Variants in PHEX observed in about 807,000 individuals in gnomAD.
PHEX encodes the protein phosphate regulating endopeptidase X-linked.
In PHEX, 16 loss-of-function variants were observed where a neutral mutation model predicts 68.0. That is an observed-to-expected ratio of 0.24 (90% CI 0.16 to 0.36). The LOEUF (loss-of-function observed/expected upper bound fraction) is 0.36, where lower values mean the gene tolerates loss of function less well. Among genes scored for constraint, PHEX ranks in the 10% least tolerant of loss-of-function variants. PHEX has a pLI of 1.00. For synonymous variants in PHEX, 208 were observed against 205.1 expected (o/e 1.01, Z -0.12); for missense variants, 480 against 575.5 (o/e 0.83, Z 1.70).
At chrX:22,117,878 A>G (rs1322937090) in intron 11 of PHEX, among the ~76,000 whole-genome samples, 1 of 110,398 alleles carries the variant, frequency 9.1e-6, no homozygotes, top group Non-Finnish European at 1.9e-5. Flanking sequence ...TATAAGAGAA[A>G]TATCTGGCCT....
chrX:22,187,987 G>T (rs1158961159), intron 14 of PHEX, among the ~76,000 whole-genome samples: 1 of 111,191 alleles, frequency 9.0e-6, no homozygotes, highest in Non-Finnish European at 1.9e-5. Flanking sequence ...ATGTTGCCAT[G>T]GGGAAAAACT....
Position 22,055,191 on chromosome X carries a change from A to C in PHEX, c.349+7980A>C, listed in dbSNP as rs1190990876. On this transcript the variant is annotated intron_variant, in intron 3 of 21. Coordinates refer to ENST00000379374, the MANE Select transcript of PHEX (RefSeq NM_000444.6). ...CTCCAGCTCAAAAAAAAAAAAAAAA[A>C]AAAAAAAAAAAAAAAAAAAAAAAAC... Among the ~76,000 whole-genome samples the C allele has an allele frequency of 8.7e-3, 680 of 77,754 alleles. 13 individuals are homozygous for C. The highest frequency in any genetic ancestry group is 0.033 in the African/African-American group (645 of 19,434). The allele number at this position is 77,754 out of a possible 115,157, so 67.5% of individuals were successfully genotyped here.
At position 22,033,114 on chromosome X, in the gene PHEX, C is replaced by G. The variant is rs1328468097; in HGVS notation, c.109C>G (p.Leu37Val). 9.2e-6 allele frequency: 11 copies of G among 1,189,301 alleles called. No homozygotes were observed. The highest frequency in any genetic ancestry group is 1.8e-5 in the African/African-American group (1 of 56,593). ...TGGCACCCTAGTTCTGGGCACGATC[C>G]TCTTTCTAGGTAAGTGGAGTGCAGG... The part of the protein sequence containing the change: ...VGGTLVLGTI[L>V]FLVSQGLLSL... Residue 37 changes from leucine to valine, a missense_variant, in exon 1 of 22, where the codon CTC (leucine) becomes GTC (valine). Transcript: ENST00000379374.
At chrX:22,066,152 T>C (rs1038636889) in intron 3 of PHEX, among the ~76,000 whole-genome samples, 4 of 111,639 alleles carry the variant, frequency 3.6e-5, no homozygotes, top group Non-Finnish European at 7.5e-5. Flanking sequence ...CCTAGGGCAA[T>C]GGGAAGGCGT....
intron 1 of PHEX, among the ~76,000 whole-genome samples, chrX:22,038,031 A>G (rs1173567213): frequency 9.0e-6 from 1 of 111,052 alleles, no homozygotes; most frequent in Non-Finnish European, 1.9e-5. Flanking sequence ...GACTTTAGAG[A>G]GTGTCTCGCC....
intron 20 of PHEX, among the ~76,000 whole-genome samples, chrX:22,237,013 T>C (rs1434581782): frequency 8.9e-6 from 1 of 112,209 alleles, no homozygotes. Context: ...ATATCACTAG[T>C]GAGAAATTTA....
At chrX:22,158,484 A>C (rs931946045) in intron 12 of PHEX, among the ~76,000 whole-genome samples, 2 of 112,416 alleles carry the variant, frequency 1.8e-5, no homozygotes, top group Non-Finnish European at 3.7e-5. Flanking sequence ...CACGTATACT[A>C]AACATACAGC....
rs1450535797 is a variant in PHEX at position 22,241,442 on chromosome X, G to GAGAT, written c.2071-3887_2071-3884dup. On this transcript the variant is annotated intron_variant, in intron 20 of 21. Transcript: ENST00000379374. ...AACTAAGATCAGAGCAGAACGGAAG[G>GAGAT]AGATAGAGACATGAAAAACCCTTCA... 3.6e-5 allele frequency among the ~76,000 whole-genome samples: 4 copies of GAGAT among 111,548 alleles called. No homozygotes were observed. In the East Asian group the frequency reaches 1.1e-3, roughly 31 times the overall value.
chrX:22,159,803 A>G (rs1315787040), intron 12 of PHEX, among the ~76,000 whole-genome samples: 1 of 112,266 alleles, frequency 8.9e-6, no homozygotes, highest in Non-Finnish European at 1.9e-5. Flanking sequence ...GGCAAACTTC[A>G]TAATTCCTTT....
At chrX:22,203,010 A>G (rs2285071) in intron 15 of PHEX, among the ~76,000 whole-genome samples, 49,820 of 109,916 alleles carry the variant, frequency 0.45, 9,775 homozygotes, top group African/African-American at 0.75. Flanking sequence ...GCAAGATGCC[A>G]AAGATTGAGG....
At chrX:22,075,841 A>G (rs1397107732) in intron 3 of PHEX, among the ~76,000 whole-genome samples, 2 of 111,659 alleles carry the variant, frequency 1.8e-5, no homozygotes, top group African/African-American at 6.5e-5. Context: ...AGGTTTTCCA[A>G]TCTTGTCTTT....
At chrX:22,114,220 G>A (rs1302737119) in intron 10 of PHEX, among the ~76,000 whole-genome samples, 1 of 110,425 alleles carries the variant, frequency 9.1e-6, no homozygotes, top group Non-Finnish European at 1.9e-5. Flanking sequence ...AAAGTGCTGG[G>A]ATTACAGATG....
At chrX:22,151,899 A>G (rs1013739174) in intron 12 of PHEX, among the ~76,000 whole-genome samples, 1 of 111,507 alleles carries the variant, frequency 9.0e-6, no homozygotes, top group African/African-American at 3.3e-5. Context: ...AGAGGGAGGG[A>G]GAACCTCTTA....
At chrX:22,129,577 T>C (rs778976179) in intron 11 of PHEX, among the ~76,000 whole-genome samples, 1 of 111,552 alleles carries the variant, frequency 9.0e-6, no homozygotes, top group East Asian at 2.8e-4. Context: ...CATTTTAATC[T>C]TCTCTCCTCT....
intron 6 of PHEX, among the ~76,000 whole-genome samples, chrX:22,090,935 C>T (rs745649951): frequency 9.0e-6 from 1 of 111,609 alleles, no homozygotes; most frequent in South Asian, 3.8e-4. Flanking sequence ...GAGAGTCTGA[C>T]TTAGACTTGA....
chrX:22,234,620 C>G (rs187899670), intron 20 of PHEX, among the ~76,000 whole-genome samples: 25 of 109,847 alleles, frequency 2.3e-4, no homozygotes, highest in African/African-American at 8.4e-4. Flanking sequence ...CTTCCCCCCC[C>G]AAGCTCAAGT....
At position 22,250,861 on chromosome X, in the gene PHEX, G is replaced by A. The variant is rs1936546804; in HGVS notation, c.*2908G>A. On this transcript the variant is annotated 3_prime_UTR_variant, in exon 22 of 22. Coordinates refer to ENST00000379374, the MANE Select transcript of PHEX (RefSeq NM_000444.6). The stretch of plus-strand genomic sequence containing the variant: ...TGGAGCATCACTAAGAAGCAGCTAG[G>A]AACTATGGCTTGCCAGACAGATTAT... 8.9e-6 allele frequency: 1 copy of A among 111,869 alleles called. No individual in the cohort carries two copies. The highest frequency in any genetic ancestry group is 1.9e-5 in the Non-Finnish European group (1 of 53,162). 9.2% of individuals were successfully genotyped at this position (111,869 alleles called of 1,213,427 possible). A position where few individuals can be genotyped will look rare whatever the true frequency, so the allele number is the denominator to read the frequency against.
intron 2 of PHEX, among the ~76,000 whole-genome samples, chrX:22,040,322 AAGAC>A (rs1927215685): frequency 8.9e-6 from 1 of 111,745 alleles, no homozygotes; most frequent in African/African-American, 3.3e-5. Context: ...TATGGGAAGA[AAGAC>A]AATAAGGCAA....
chrX:22,233,811 T>C (rs1248152094), intron 20 of PHEX, among the ~76,000 whole-genome samples: 1 of 111,818 alleles, frequency 8.9e-6, no homozygotes, highest in Non-Finnish European at 1.9e-5. Context: ...AGCCTACTTC[T>C]GTCAATTCGT....
Sources: allele counts gnomAD v4.1 joint callset (sites outside exome capture counted in the v4.1 genomes callset), GRCh38; gene constraint gnomAD v4.1.1; transcripts MANE v1.5; gene names NCBI Gene and HGNC (gene_info 2026-07-23, HGNC 2026-07-21).